The following WDR59 variants were observed in gnomAD, a reference collection of about 807,000 sequenced individuals.
WDR59 encodes the protein WD repeat domain 59.
In WDR59, 100 loss-of-function variants were observed where a neutral mutation model predicts 131.2. The ratio of observed to expected loss-of-function variants is 0.76; its 90% confidence interval spans 0.65 to 0.90. WDR59 has a LOEUF of 0.90. Ranked by LOEUF, WDR59 falls within the 40% of genes least tolerant of loss-of-function variation. The pLI is 0.00. For synonymous variants in WDR59, 601 were observed against 466.2 expected, an observed-to-expected ratio of 1.29 and a Z score of -3.72; for missense variants, 1,203 against 1,262.2, an observed-to-expected ratio of 0.95 and a Z score of 0.71.
intron 8 of WDR59, among the ~76,000 whole-genome samples, chr16:74,928,544 A>G (rs1440523028): frequency 6.6e-6 from 1 of 151,970 alleles, no homozygotes; most frequent in Admixed American, 6.6e-5. Flanking sequence ...GTAAGGCCAG[A>G]TTTACCTTAC....
In WDR59 at chr16:74,915,961, TC is replaced by T; in HGVS notation, c.1132del (p.Glu378LysfsTer20). ...LKEDPPRNLL[E>X]ERKSDQLGLP... is the part of the protein sequence containing the mutation. ...CCCCAGTTGATCTGATTTCCTCTCT[TC>T]CAGGAGATTTCTAGGGGGATCTTCT... On this transcript the variant is annotated frameshift_variant, in exon 13 of 26. Transcript: ENST00000262144. LOFTEE classifies it high-confidence loss of function. 6.2e-7 allele frequency: 1 copy of T among 1,614,184 alleles called. No individual in the cohort carries two copies. The highest frequency in any genetic ancestry group is 8.5e-7 in the Non-Finnish European group (1 of 1,180,016).
intron 8 of WDR59, among the ~76,000 whole-genome samples, chr16:74,936,192 C>T (rs1023647776): frequency 3.3e-5 from 5 of 152,062 alleles, no homozygotes; most frequent in Non-Finnish European, 5.9e-5. Flanking sequence ...ACCCTTGGTA[C>T]ATTCTGGTGA....
chr16:74,984,912 G>T, intron 1 of WDR59, 52 bp downstream of exon 1: 1 of 1,584,006 alleles, frequency 6.3e-7, no homozygotes, highest in East Asian at 2.3e-5. Flanking sequence ...CGTGGGGGAG[G>T]GGAAGCGGGG....
intron 9 of WDR59, among the ~76,000 whole-genome samples, chr16:74,923,537 G>T (rs542046894): frequency 4.6e-5 from 7 of 152,044 alleles, no homozygotes; most frequent in African/African-American, 1.7e-4. Context: ...GAGTGCAGTG[G>T]GGCGATCTCA....
At chr16:74,922,566 G>A (rs981025057) in intron 9 of WDR59, among the ~76,000 whole-genome samples, 1 of 151,948 alleles carries the variant, frequency 6.6e-6, no homozygotes, top group Non-Finnish European at 1.5e-5. Flanking sequence ...TCACCTTCCC[G>A]CCCCCCCGGC....
intron 1 of WDR59, among the ~76,000 whole-genome samples, chr16:74,978,677 G>A (rs1034172457): frequency 3.9e-5 from 6 of 152,086 alleles, no homozygotes; most frequent in South Asian, 2.1e-4. Context: ...TCATGATTAC[G>A]GCAGTGGTTA....
Position 74,905,023 on chromosome 16 carries a change from A to G in WDR59, c.1713-923T>C, listed in dbSNP as rs1173855561. 2.0e-5 allele frequency among the ~76,000 whole-genome samples: 3 copies of G among 152,278 alleles called. No homozygotes were observed. The East Asian group carries it at 5.8e-4, about 29-fold the overall frequency. On this transcript the variant is annotated intron_variant, in intron 17 of 25. Coordinates refer to ENST00000262144, the MANE Select transcript of WDR59 (RefSeq NM_030581.4). ...ATTTGAAATGGATCACAGACCTCAA[A>G]TAAGGAATTTAAATCTATAAAGCTT...
At chr16:74,899,817 A>T in intron 18 of WDR59, 1 of 1,142,968 alleles carries the variant, frequency 8.7e-7, no homozygotes, top group Non-Finnish European at 1.2e-6. Flanking sequence ...TTAAAAGGGA[A>T]AAATATAGAA....
At chr16:74,950,793 T>A (rs1295884047) in intron 4 of WDR59, among the ~76,000 whole-genome samples, 1 of 152,128 alleles carries the variant, frequency 6.6e-6, no homozygotes, top group Non-Finnish European at 1.5e-5. Flanking sequence ...GACATCCACA[T>A]GTCCTCCCAG....
rs778351539 is a variant in WDR59 at position 74,949,701 on chromosome 16, C to T, written c.407+17G>A. On this transcript the variant is annotated intron_variant, in intron 5 of 25. Coordinates refer to ENST00000262144, the MANE Select transcript of WDR59 (RefSeq NM_030581.4). Reference sequence around the variant, plus strand: ...ATCACCCCCAACCAAGTGGTTATGCCTCCTAATTGTTCTTACTTGATATCC... The same window carrying T: ...ATCACCCCCAACCAAGTGGTTATGCTTCCTAATTGTTCTTACTTGATATCC... 10 of 1,611,864 alleles carry T rather than the reference C, an allele frequency of 6.2e-6. No individual in the cohort carries two copies. The highest frequency in any genetic ancestry group is 8.5e-6 in the Non-Finnish European group (10 of 1,178,650).
chr16:74,884,442 G>A (rs953507865), intron 25 of WDR59, among the ~76,000 whole-genome samples: 9 of 152,198 alleles, frequency 5.9e-5, no homozygotes, highest in African/African-American at 2.2e-4. Flanking sequence ...TCTGCCTCCT[G>A]GGTTCAAGCG....
intron 3 of WDR59, among the ~76,000 whole-genome samples, chr16:74,953,147 C>T (rs796582882): frequency 6.6e-6 from 1 of 152,242 alleles, no homozygotes; most frequent in African/African-American, 2.4e-5. Flanking sequence ...AGGACTTGAC[C>T]TCAGATTTCC....
intron 3 of WDR59, among the ~76,000 whole-genome samples, chr16:74,954,752 CA>C (rs1367247033): frequency 6.6e-6 from 1 of 152,146 alleles, no homozygotes; most frequent in Non-Finnish European, 1.5e-5. Context: ...GATAGATAAA[CA>C]ATTACACAAT....
chr16:74,929,961 T>C (rs2031231384), intron 8 of WDR59, among the ~76,000 whole-genome samples: 3 of 152,180 alleles, frequency 2.0e-5, no homozygotes, highest in South Asian at 2.1e-4. Flanking sequence ...TCTCACTCAT[T>C]TGTGGGAGCT....
intron 25 of WDR59, among the ~76,000 whole-genome samples, chr16:74,876,343 A>G (rs1964210724): frequency 6.6e-6 from 1 of 152,244 alleles, no homozygotes. Flanking sequence ...TCTCATGAAA[A>G]GCCTAATTAG....
intron 1 of WDR59, among the ~76,000 whole-genome samples, chr16:74,972,075 C>G (rs2034005274): frequency 6.6e-6 from 1 of 152,198 alleles, no homozygotes; most frequent in Non-Finnish European, 1.5e-5. Context: ...TTGTCCAGGA[C>G]TGCTCTCTAT....
chr16:74,903,750 C>G (rs1230091382), intron 18 of WDR59, among the ~76,000 whole-genome samples, 197 bp downstream of exon 18: 6 of 152,034 alleles, frequency 3.9e-5, no homozygotes, highest in Admixed American at 2.6e-4. Context: ...AGAACGGCCC[C>G]CTGACCCATA....
intron 8 of WDR59, among the ~76,000 whole-genome samples, chr16:74,928,785 T>C (rs535640473): frequency 6.6e-6 from 1 of 152,122 alleles, no homozygotes; most frequent in African/African-American, 2.4e-5. Context: ...GGTGTGCATC[T>C]GTAATCCCAG....
At chr16:74,930,883 A>T (rs1321141775) in intron 8 of WDR59, 2 of 117,728 alleles carry the variant, frequency 1.7e-5, no homozygotes, top group Non-Finnish European at 3.5e-5. Flanking sequence ...ACAGAGAGAG[A>T]CTCCATCTCA....
Sources: allele counts gnomAD v4.1 joint callset (sites outside exome capture counted in the v4.1 genomes callset), GRCh38; gene constraint gnomAD v4.1.1; transcripts MANE v1.5; gene names NCBI Gene and HGNC (gene_info 2026-07-23, HGNC 2026-07-21).